AKR1B1: variants seen among roughly 807,000 people sequenced by gnomAD.
AKR1B1 encodes the protein aldo-keto reductase family 1 member B.
Under a neutral mutation model 40.4 loss-of-function variants are expected in AKR1B1, and 22 were observed. The observed-to-expected ratio is 0.54, with a 90% CI of 0.39 to 0.78. The LOEUF (loss-of-function observed/expected upper bound fraction) is 0.78. Ranked by LOEUF, AKR1B1 falls within the 30% of genes least tolerant of loss-of-function variation. The probability of loss-of-function intolerance (pLI) is 0.00; values close to 1 mark genes in which losing one functional copy is unlikely to be tolerated. For synonymous variants in AKR1B1, 157 were observed against 149.9 expected (o/e 1.05, Z -0.35); for missense variants, 357 against 396.7 (o/e 0.90, Z 0.85).
intron 8 of AKR1B1, 28 bp downstream of exon 8, chr7:134,447,270 G>A: frequency 6.2e-7 from 1 of 1,600,778 alleles, no homozygotes; most frequent in Non-Finnish European, 8.6e-7. Flanking sequence ...CATGGAGGAG[G>A]GCCAGGCCTG....
chr7:134,449,671 G>C (rs762561543), intron 4 of AKR1B1, 49 bp downstream of exon 4: 1 of 1,405,118 alleles, frequency 7.1e-7, no homozygotes, highest in South Asian at 1.2e-5. Flanking sequence ...CTTCTAAGAA[G>C]AAGAGGGAAC....
intron 2 of AKR1B1, 27 bp downstream of exon 2, chr7:134,451,559 C>T: frequency 6.2e-7 from 1 of 1,612,730 alleles, no homozygotes; most frequent in Non-Finnish European, 8.5e-7. Flanking sequence ...ACCGAGAGCC[C>T]CTTCCAGCCC....
rs755424703 is a variant in AKR1B1, at chr7:134,448,375, T to C, written c.659+12A>G. 2 of 1,601,020 alleles carry C rather than the reference T, an allele frequency of 1.2e-6. No homozygotes were observed. Among genetic ancestry groups the C allele is most frequent in the Non-Finnish European group, 8.6e-7 (1 of 1,168,536 alleles). ...CAAGTGACACAGGAGCATGAGCCTG[T>C]GGGAAGCTCACCAGGGCCTGTCAGG... On this transcript the variant is annotated intron_variant, in intron 6 of 9. Coordinates refer to ENST00000285930, the MANE Select transcript of AKR1B1 (RefSeq NM_001628.4).
At chr7:134,448,164 C>A in intron 6 of AKR1B1, 103 bp from the exon 7 acceptor site, 2 of 1,026,690 alleles carry the variant, frequency 1.9e-6, no homozygotes, top group South Asian at 2.7e-5. Context: ...GGGCAGCCAC[C>A]AGTCTCCTCC....
intron 1 of AKR1B1, among the ~76,000 whole-genome samples, chr7:134,456,931 T>C (rs1041341459): frequency 1.3e-5 from 2 of 152,118 alleles, no homozygotes; most frequent in African/African-American, 4.8e-5. Flanking sequence ...TCATAAACTT[T>C]TACTCCTCAG....
intron 2 of AKR1B1, 175 bp downstream of exon 2, chr7:134,451,411 A>G (rs748993104): frequency 9.3e-6 from 7 of 756,008 alleles, no homozygotes; most frequent in African/African-American, 3.4e-5. Context: ...TTCAACAGAG[A>G]GCCAAGGATG....
intron 2 of AKR1B1, 84 bp from the exon 3 acceptor site, chr7:134,450,986 C>G: frequency 9.0e-7 from 1 of 1,113,012 alleles, no homozygotes; most frequent in Non-Finnish European, 1.4e-6. Flanking sequence ...CTCCTCTCCC[C>G]AAAACCCATT....
At chr7:134,455,415 T>C (rs1806439485) in intron 1 of AKR1B1, among the ~76,000 whole-genome samples, 1 of 152,216 alleles carries the variant, frequency 6.6e-6, no homozygotes, top group African/African-American at 2.4e-5. Flanking sequence ...CCTTCAGCCC[T>C]AGGAGTATTC....
chr7:134,450,842 C>T lies in AKR1B1; in HGVS notation c.295G>A (p.Asp99Asn), dbSNP rs765362829. Residue 99 changes from aspartate (D) to asparagine (N), a missense_variant, in exon 3 of 10, where the codon GAC becomes AAC. Transcript: ENST00000285930. ...AGGTCCAGGTAGTCCAGCTTCAGGT[C>T]GCTGAGTGTCTTCTGGCAGGCTCCT... The part of the protein sequence containing the change: ...VKGACQKTLS[D>N]LKLDYLDLYL... 26 of 1,614,070 alleles carry T rather than the reference C, an allele frequency of 1.6e-5. 1 individual carries two copies. The highest frequency in any genetic ancestry group is 4.5e-5 in the East Asian group (2 of 44,896).
Position 134,442,418 on chromosome 7 carries a change from C to T in AKR1B1, c.*310G>A. 7.0e-6 allele frequency: 2 copies of T among 285,200 alleles called. No individual in the cohort carries two copies. Among genetic ancestry groups the T allele is most frequent in the Non-Finnish European group, 1.3e-5 (2 of 150,950 alleles). The allele number at this position is 285,200 out of a possible 1,614,324, so 17.7% of individuals were successfully genotyped here. Reference sequence around the variant, plus strand: ...TTGCTGAAAGGATTCCAGTTCCAAGCAGTCAAAACTCAACCGTTAGTGGCA... The same window carrying T: ...TTGCTGAAAGGATTCCAGTTCCAAGTAGTCAAAACTCAACCGTTAGTGGCA... On this transcript the variant is annotated 3_prime_UTR_variant, in exon 10 of 10. Coordinates refer to ENST00000285930, the MANE Select transcript of AKR1B1 (RefSeq NM_001628.4).
upstream of AKR1B1, chr7:134,459,122 C>G (rs900928679): frequency 1.3e-6 from 2 of 1,553,302 alleles, no homozygotes; most frequent in African/African-American, 2.7e-5. Context: ...CGGCGCGTAC[C>G]TTTAAATAGC....
intron 1 of AKR1B1, among the ~76,000 whole-genome samples, chr7:134,455,412 C>T (rs1424800819): frequency 6.6e-6 from 1 of 152,152 alleles, no homozygotes; most frequent in Non-Finnish European, 1.5e-5. Flanking sequence ...GTACCTTCAG[C>T]CCTAGGAGTA....
chr7:134,448,827 G>A (rs1806190700), intron 5 of AKR1B1, among the ~76,000 whole-genome samples, 170 bp downstream of exon 5: 2 of 152,076 alleles, frequency 1.3e-5, no homozygotes, highest in Non-Finnish European at 2.9e-5. Context: ...TTTCCTGTAA[G>A]TTTCCTCTCC....
At chr7:134,455,765 G>A (rs1806450773) in intron 1 of AKR1B1, among the ~76,000 whole-genome samples, 1 of 149,884 alleles carries the variant, frequency 6.7e-6, no homozygotes, top group Admixed American at 6.6e-5. Context: ...TGTATTTTTA[G>A]TAGAGAGGGG....
chr7:134,454,418 C>T (rs1378374534), intron 1 of AKR1B1, among the ~76,000 whole-genome samples: 1 of 152,198 alleles, frequency 6.6e-6, no homozygotes, highest in East Asian at 1.9e-4. Flanking sequence ...CAGTGTCTCC[C>T]TCCTACACAG....
chr7:134,449,232 T>G, intron 4 of AKR1B1, 113 bp from the exon 5 acceptor site: 1 of 1,446,452 alleles, frequency 6.9e-7, no homozygotes, highest in Non-Finnish European at 9.6e-7. Flanking sequence ...TGCCAGTGAA[T>G]TAGACCTTTC....
intron 1 of AKR1B1, among the ~76,000 whole-genome samples, chr7:134,453,742 A>G (rs1806364352): frequency 1.3e-5 from 2 of 152,156 alleles, no homozygotes; most frequent in South Asian, 4.1e-4. Context: ...CGCTGGAGAC[A>G]TGTGTGCTGG....
chr7:134,451,556 GC>G, intron 2 of AKR1B1, 29 bp downstream of exon 2: 1 of 1,612,550 alleles, frequency 6.2e-7, no homozygotes, highest in Non-Finnish European at 8.5e-7. Flanking sequence ...GGGACCGAGA[GC>G]CCCTTCCAGC....
At chr7:134,444,432 A>G (rs1678694107) in intron 9 of AKR1B1, among the ~76,000 whole-genome samples, 1 of 152,230 alleles carries the variant, frequency 6.6e-6, no homozygotes, top group African/African-American at 2.4e-5. Context: ...GGGAGATGGG[A>G]CAGACGCTGG....
Sources: allele counts gnomAD v4.1 joint callset (sites outside exome capture counted in the v4.1 genomes callset), GRCh38; gene constraint gnomAD v4.1.1; transcripts MANE v1.5; gene names NCBI Gene and HGNC (gene_info 2026-07-23, HGNC 2026-07-21).